Variants in COBL observed in about 807,000 individuals in gnomAD.
The protein encoded by COBL is protein cordon-bleu.
Under a neutral mutation model 98.8 loss-of-function variants are expected in COBL, and 51 were observed. That is an observed-to-expected ratio of 0.52 (90% CI 0.41 to 0.65). The LOEUF (loss-of-function observed/expected upper bound fraction) is 0.65. Ranked by LOEUF, COBL falls within the 30% of genes least tolerant of loss-of-function variation. COBL has a pLI of 0.00. For missense variants in COBL, 1,617 were observed against 1,617.5 expected (o/e 1.00, Z 0.01); for synonymous variants, 634 against 651.7 (o/e 0.97, Z 0.41).
At chr7:51,034,741 T>TG (rs1285842636) in intron 8 of COBL, 1 of 152,162 alleles carries the variant, frequency 6.6e-6, no homozygotes, top group African/African-American at 2.4e-5. Context: ...CATCAGCCTC[T>TG]GTTAGCTTAA....
intron 1 of COBL, among the ~76,000 whole-genome samples, chr7:51,232,337 C>T (rs1794828392): frequency 6.6e-6 from 1 of 152,088 alleles, no homozygotes; most frequent in Non-Finnish European, 1.5e-5. Context: ...TTTGCCTTTT[C>T]TGGGGGACCA....
chr7:51,293,680 A>G, intron 1 of COBL, among the ~76,000 whole-genome samples: 1 of 152,226 alleles, frequency 6.6e-6, no homozygotes, highest in Non-Finnish European at 1.5e-5. Context: ...TTTATTGTAC[A>G]TAAATATCCC....
chr7:51,077,876 T>C (rs17554286), intron 7 of COBL, among the ~76,000 whole-genome samples: 33,000 of 152,138 alleles, frequency 0.22, 3,884 homozygotes, highest in Middle Eastern at 0.36. Context: ...TTGGTGACTT[T>C]TGACTTTCAG....
intron 2 of COBL, among the ~76,000 whole-genome samples, chr7:51,205,300 C>T (rs1386833048): frequency 6.6e-6 from 1 of 152,160 alleles, no homozygotes. Context: ...CAGCATGGTA[C>T]TTGCAGAAAA....
chr7:51,307,138 A>C (rs746083729), intron 1 of COBL, among the ~76,000 whole-genome samples: 5 of 152,136 alleles, frequency 3.3e-5, no homozygotes, highest in Non-Finnish European at 7.3e-5. Context: ...TGAAGTCAGG[A>C]GTTCAAGACC....
At chr7:51,172,671 C>A in intron 5 of COBL, 1 of 327,122 alleles carries the variant, frequency 3.1e-6, no homozygotes, top group South Asian at 4.1e-5. Context: ...ATCTTTACCA[C>A]TTCTGCCAGT....
rs540164778 is a variant in COBL at position 51,026,974 on chromosome 7, G to T, written c.3385-309C>A. Among the ~76,000 whole-genome samples the T allele has an allele frequency of 2.9e-3, 437 of 152,246 alleles. 1 individual carries two copies. Among genetic ancestry groups the T allele is most frequent in the Non-Finnish European group, 4.9e-3 (335 of 68,026 alleles). On this transcript the variant is annotated intron_variant, in intron 10 of 12. Transcript: ENST00000265136. ...CAGTTTTACACCCTGTCTATGAGAA[G>T]GCACACATAAGAATCAAAGGCTACG...
chr7:51,233,651 C>T (rs1794976514), intron 1 of COBL, among the ~76,000 whole-genome samples: 1 of 152,202 alleles, frequency 6.6e-6, no homozygotes, highest in Non-Finnish European at 1.5e-5. Flanking sequence ...GCTCTCCACA[C>T]AGCGCATAAC....
intron 1 of COBL, among the ~76,000 whole-genome samples, chr7:51,234,569 T>C (rs1795062018): frequency 1.3e-5 from 2 of 151,300 alleles, no homozygotes; most frequent in Non-Finnish European, 2.9e-5. Flanking sequence ...GGCGTGTTGG[T>C]GTGTGCCTGT....
At chr7:51,052,552 A>G (rs1790346011) in intron 7 of COBL, among the ~76,000 whole-genome samples, 2 of 152,172 alleles carry the variant, frequency 1.3e-5, no homozygotes. Flanking sequence ...CCCTGCTGGC[A>G]AGAACAAAGC....
intron 7 of COBL, among the ~76,000 whole-genome samples, chr7:51,068,357 G>A (rs975535839): frequency 4.6e-5 from 7 of 152,018 alleles, no homozygotes; most frequent in African/African-American, 1.2e-4. Context: ...TCAAATACTC[G>A]CTTTATCATT....
chr7:51,132,931 C>CATCT (rs1798890260), intron 6 of COBL, among the ~76,000 whole-genome samples: 2 of 152,118 alleles, frequency 1.3e-5, no homozygotes, highest in Non-Finnish European at 2.9e-5. Flanking sequence ...ATGAGGGATC[C>CATCT]ATCTCCATGA....
At chr7:51,018,905 A>AAAAAAT (rs1554345519) in intron 12 of COBL, among the ~76,000 whole-genome samples, 8 of 34,428 alleles carry the variant, frequency 2.3e-4, no homozygotes, top group African/African-American at 5.0e-4. Flanking sequence ...AAAAAAAAAA[A>AAAAAAT]ATATATATAT....
At chr7:51,017,808 C>G (rs951657326) in intron 12 of COBL, among the ~76,000 whole-genome samples, 12 of 152,118 alleles carry the variant, frequency 7.9e-5, no homozygotes, top group Admixed American at 7.9e-4. Flanking sequence ...TGCAGAGGCC[C>G]GAGGTCAAGG....
intron 1 of COBL, among the ~76,000 whole-genome samples, chr7:51,248,561 A>G (rs1171476563): frequency 6.6e-6 from 1 of 151,302 alleles, no homozygotes; most frequent in South Asian, 2.1e-4. Flanking sequence ...AGTGCATGTA[A>G]ATTACACAAG....
Position 51,290,508 on chromosome 7 carries a change from G to C in COBL, c.41+26085C>G, listed in dbSNP as rs1234362434. Among the ~76,000 whole-genome samples, 5 of 152,240 alleles carry C rather than the reference G, an allele frequency of 3.3e-5. No homozygotes were observed. The South Asian group carries it at 1.0e-3, about 32-fold the overall frequency. ...CTTCCTTTAAATCTTGTCTTAATCAGAAGTTAGTTTACCCCTAAATAAACA... is the reference window on the plus strand; with the variant it reads ...CTTCCTTTAAATCTTGTCTTAATCACAAGTTAGTTTACCCCTAAATAAACA... On this transcript the variant is annotated intron_variant, in intron 1 of 12. Transcript: ENST00000265136.
chr7:51,265,691 G>C (rs923088628), intron 1 of COBL, among the ~76,000 whole-genome samples: 1 of 152,148 alleles, frequency 6.6e-6, no homozygotes, highest in Non-Finnish European at 1.5e-5. Context: ...TGGCTTCTCC[G>C]GACACCTGTC....
At chr7:51,135,539 T>A (rs1252335766) in intron 6 of COBL, among the ~76,000 whole-genome samples, 2 of 152,120 alleles carry the variant, frequency 1.3e-5, no homozygotes, top group African/African-American at 4.8e-5. Context: ...CCATTTGGTA[T>A]CTGCTGCTAT....
chr7:51,238,383 G>C (rs1027800495), intron 1 of COBL, among the ~76,000 whole-genome samples: 1 of 152,112 alleles, frequency 6.6e-6, no homozygotes, highest in African/African-American at 2.4e-5. Flanking sequence ...GCCCTTCCCT[G>C]GGCTTCTGTG....
Sources: allele counts gnomAD v4.1 joint callset (sites outside exome capture counted in the v4.1 genomes callset), GRCh38; gene constraint gnomAD v4.1.1; transcripts MANE v1.5; gene names NCBI Gene and HGNC (gene_info 2026-07-23, HGNC 2026-07-21).